The following ZDHHC14 variants were observed in gnomAD, a reference collection of about 807,000 sequenced individuals.
The protein encoded by ZDHHC14 is zDHHC palmitoyltransferase 14, also known as palmitoyltransferase ZDHHC14.
A neutral mutation model predicts 47.7 loss-of-function variants in ZDHHC14; 16 were observed. That is an observed-to-expected ratio of 0.34 (90% confidence interval 0.23 to 0.51). The LOEUF (loss-of-function observed/expected upper bound fraction) is 0.51. Among genes scored for constraint, ZDHHC14 ranks in the 20% least tolerant of loss-of-function variants. The pLI, the probability that ZDHHC14 is intolerant of heterozygous loss-of-function variation, is 0.97. For missense variants in ZDHHC14, 515 were observed against 662.5 expected, an observed-to-expected ratio of 0.78 and a Z score of 2.44; for synonymous variants, 293 against 278.9, an observed-to-expected ratio of 1.05 and a Z score of -0.50.
chr6:157,633,551 G>A (rs550189548), intron 5 of ZDHHC14, among the ~76,000 whole-genome samples: 2 of 152,218 alleles, frequency 1.3e-5, no homozygotes, highest in East Asian at 1.9e-4. Context: ...TAATACAGAT[G>A]GGACCCCCTG....
intron 1 of ZDHHC14, among the ~76,000 whole-genome samples, chr6:157,409,977 T>C (rs1777841961): frequency 6.6e-6 from 1 of 152,030 alleles, no homozygotes; most frequent in Non-Finnish European, 1.5e-5. Flanking sequence ...TACAGGCACA[T>C]GCCACCATCA....
intron 1 of ZDHHC14, among the ~76,000 whole-genome samples, chr6:157,491,571 TCTTTATTTATCAA>T (rs1449844124): frequency 1.3e-5 from 2 of 152,098 alleles, no homozygotes; most frequent in Non-Finnish European, 2.9e-5. Context: ...GGTTTCTTCT[TCTTTATTTATCAA>T]CTTCTGTGAA....
intron 2 of ZDHHC14, among the ~76,000 whole-genome samples, chr6:157,563,514 G>A (rs17543844): frequency 0.54 from 82,357 of 152,026 alleles, 23,029 homozygotes; most frequent in African/African-American, 0.7. Context: ...TGGTTCTCAG[G>A]TGGTGCTTAT....
At chr6:157,468,114 C>A (rs541742435) in intron 1 of ZDHHC14, among the ~76,000 whole-genome samples, 1 of 152,210 alleles carries the variant, frequency 6.6e-6, no homozygotes, top group African/African-American at 2.4e-5. Flanking sequence ...CTAACAACTC[C>A]TGAGTTAGAG....
chr6:157,578,915 T>C (rs143488912), intron 2 of ZDHHC14, among the ~76,000 whole-genome samples: 2 of 152,302 alleles, frequency 1.3e-5, no homozygotes, highest in African/African-American at 4.8e-5. Context: ...AGTGTGAGAA[T>C]GGACTAATAC....
At chr6:157,549,304 G>T (rs1442104787) in intron 2 of ZDHHC14, among the ~76,000 whole-genome samples, 1 of 152,244 alleles carries the variant, frequency 6.6e-6, no homozygotes, top group African/African-American at 2.4e-5. Flanking sequence ...CTGGGCTCCA[G>T]TGGGTGTAGC....
At chr6:157,504,144 G>A (rs2114741207) in intron 1 of ZDHHC14, among the ~76,000 whole-genome samples, 1 of 152,104 alleles carries the variant, frequency 6.6e-6, no homozygotes, top group South Asian at 2.1e-4. Context: ...ATCCAGCAGT[G>A]GAAACCAGAG....
chr6:157,431,016 G>T (rs1041493568), intron 1 of ZDHHC14, among the ~76,000 whole-genome samples: 28 of 152,164 alleles, frequency 1.8e-4, no homozygotes, highest in African/African-American at 6.8e-4. Context: ...TCTGCTTGAT[G>T]GACTTGTCTG....
At chr6:157,584,491 T>C (rs977438978) in intron 2 of ZDHHC14, among the ~76,000 whole-genome samples, 2 of 152,226 alleles carry the variant, frequency 1.3e-5, no homozygotes, top group Non-Finnish European at 2.9e-5. Context: ...TGGTAACACA[T>C]AGATATTTGA....
chr6:157,460,115 A>G (rs1379237696), intron 1 of ZDHHC14, among the ~76,000 whole-genome samples: 1 of 151,614 alleles, frequency 6.6e-6, no homozygotes, highest in Non-Finnish European at 1.5e-5. Context: ...AGGCAGGAGA[A>G]TCGCCTGAAC....
intron 3 of ZDHHC14, among the ~76,000 whole-genome samples, chr6:157,616,688 C>T (rs1784977377): frequency 6.6e-6 from 1 of 152,192 alleles, no homozygotes; most frequent in Non-Finnish European, 1.5e-5. Context: ...ATCCCAACCA[C>T]ACACGAGGCA....
chr6:157,486,720 C>T (rs111717462), intron 1 of ZDHHC14, among the ~76,000 whole-genome samples: 3 of 151,998 alleles, frequency 2.0e-5, no homozygotes, highest in Non-Finnish European at 4.4e-5. Context: ...CAGAGGAGGT[C>T]GTGCTGGAAG....
intron 2 of ZDHHC14, among the ~76,000 whole-genome samples, chr6:157,573,968 GA>G (rs566415062): frequency 3.2e-3 from 487 of 151,876 alleles, no homozygotes; most frequent in African/African-American, 0.011. Context: ...GGTCGGGGGG[GA>G]AGTTCTTTGC....
chr6:157,505,247 G>A (rs577264196), intron 1 of ZDHHC14, among the ~76,000 whole-genome samples: 9 of 152,312 alleles, frequency 5.9e-5, no homozygotes, highest in South Asian at 2.1e-4. Context: ...AAGATCCAAC[G>A]GTATTGGTAA....
At chr6:157,662,591 C>T (rs775327294) in intron 8 of ZDHHC14, among the ~76,000 whole-genome samples, 1 of 152,380 alleles carries the variant, frequency 6.6e-6, no homozygotes, top group Non-Finnish European at 1.5e-5. Flanking sequence ...TTCTTTTCCT[C>T]ATTCCTTCCG....
chr6:157,476,422 C>T (rs1272916037), intron 1 of ZDHHC14, among the ~76,000 whole-genome samples: 1 of 152,148 alleles, frequency 6.6e-6, no homozygotes, highest in Non-Finnish European at 1.5e-5. Context: ...AAAAAGTCTG[C>T]CATCAAAGAA....
intron 1 of ZDHHC14, among the ~76,000 whole-genome samples, chr6:157,494,973 A>G (rs1780020099): frequency 6.6e-6 from 1 of 152,140 alleles, no homozygotes; most frequent in Non-Finnish European, 1.5e-5. Context: ...CCTAGAAATC[A>G]TGTAGCTTAG....
chr6:157,670,062 A>G (rs917586997), intron 8 of ZDHHC14, among the ~76,000 whole-genome samples: 2 of 152,154 alleles, frequency 1.3e-5, no homozygotes, highest in African/African-American at 4.8e-5. Flanking sequence ...AGCAGAGCTG[A>G]CAGCATGGGA....
At chr6:157,458,848 G>GTTTTTTTTTTTTTTTTTT (rs1778990291) in intron 1 of ZDHHC14, among the ~76,000 whole-genome samples, 3 of 68,752 alleles carry the variant, frequency 4.4e-5, no homozygotes, top group Non-Finnish European at 8.3e-5. Context: ...AATGTGGGTG[G>GTTTTTTTTTTTTTTTTTT]ATTTTTTTTT....
Sources: allele counts gnomAD v4.1 joint callset (sites outside exome capture counted in the v4.1 genomes callset), GRCh38; gene constraint gnomAD v4.1.1; transcripts MANE v1.5; gene names NCBI Gene and HGNC (gene_info 2026-07-23, HGNC 2026-07-21).